The following PSMD14 variants were observed in gnomAD, a reference collection of about 807,000 sequenced individuals.
The protein encoded by PSMD14 is proteasome 26S subunit, non-ATPase 14, also known as ubiquitin C-terminal hydrolase PSMD14.
PSMD14 carries 7 observed loss-of-function variants against 41.2 expected under a neutral mutation model. The observed-to-expected ratio is 0.17, with a 90% confidence interval of 0.10 to 0.32. The LOEUF is 0.32. Among genes scored for constraint, PSMD14 ranks in the 10% least tolerant of loss-of-function variants. The pLI is 1.00. For synonymous variants in PSMD14, 114 were observed against 122.3 expected, an observed-to-expected ratio of 0.93 and a Z score of 0.45; for missense variants, 139 against 375.6, an observed-to-expected ratio of 0.37 and a Z score of 5.21.
intron 10 of PSMD14, among the ~76,000 whole-genome samples, chr2:161,397,672 A>G (rs1445761561): frequency 6.6e-6 from 1 of 152,210 alleles, no homozygotes; most frequent in Non-Finnish European, 1.5e-5. Context: ...TATAAAATTT[A>G]CCAAGTGTAG....
At chr2:161,377,725 A>T (rs1218894853) in intron 7 of PSMD14, among the ~76,000 whole-genome samples, 1 of 151,918 alleles carries the variant, frequency 6.6e-6, no homozygotes, top group Non-Finnish European at 1.5e-5. Flanking sequence ...ATGTGCTTCA[A>T]ATTAGTTTGA....
chr2:161,328,626 T>C (rs929847647), intron 3 of PSMD14, among the ~76,000 whole-genome samples: 1 of 152,120 alleles, frequency 6.6e-6, no homozygotes, highest in African/African-American at 2.4e-5. Context: ...CTAAGTGTTA[T>C]ATTACTTAAA....
intron 3 of PSMD14, chr2:161,341,392 G>C (rs1297394264): frequency 5.1e-6 from 4 of 787,100 alleles, no homozygotes; most frequent in African/African-American, 1.9e-5. Context: ...CCCGTCCTTT[G>C]TTAATGAATT....
At chr2:161,390,455 T>C (rs570431806) in intron 8 of PSMD14, among the ~76,000 whole-genome samples, 1 of 152,106 alleles carries the variant, frequency 6.6e-6, no homozygotes, top group Non-Finnish European at 1.5e-5. Flanking sequence ...ACATCCAGGA[T>C]TATTGTTTCT....
chr2:161,407,912 C>T (rs1306072875), intron 10 of PSMD14: 1 of 151,982 alleles, frequency 6.6e-6, no homozygotes, highest in Admixed American at 6.6e-5. Flanking sequence ...GTCTTGTCTT[C>T]AGGCCATAAC....
At chr2:161,391,672 G>T (rs903219260) in intron 9 of PSMD14, among the ~76,000 whole-genome samples, 1 of 152,122 alleles carries the variant, frequency 6.6e-6, no homozygotes, top group African/African-American at 2.4e-5. Context: ...GCACACTGCA[G>T]CCTTGAACTT....
intron 3 of PSMD14, among the ~76,000 whole-genome samples, chr2:161,338,469 C>G (rs2105240216): frequency 6.6e-6 from 1 of 151,756 alleles, no homozygotes. Flanking sequence ...ATTATCTACT[C>G]TGTAAGCCTT....
chr2:161,374,193 G>T (rs1029874275), intron 7 of PSMD14, among the ~76,000 whole-genome samples: 1 of 151,904 alleles, frequency 6.6e-6, no homozygotes, highest in Non-Finnish European at 1.5e-5. Flanking sequence ...TCATTGTGAG[G>T]CCATTCCTTA....
At chr2:161,332,837 C>A (rs1682814519) in intron 3 of PSMD14, among the ~76,000 whole-genome samples, 1 of 152,212 alleles carries the variant, frequency 6.6e-6, no homozygotes, top group Non-Finnish European at 1.5e-5. Context: ...CTTTCATAGC[C>A]TTTCCAGTAA....
chr2:161,350,066 C>T (rs1243029126), intron 3 of PSMD14, among the ~76,000 whole-genome samples: 1 of 152,050 alleles, frequency 6.6e-6, no homozygotes, highest in South Asian at 2.1e-4. Flanking sequence ...AAGACAAATA[C>T]GTGGTAACAT....
At chr2:161,397,423 T>C (rs762546056) in intron 10 of PSMD14, among the ~76,000 whole-genome samples, 1 of 152,086 alleles carries the variant, frequency 6.6e-6, no homozygotes, top group Non-Finnish European at 1.5e-5. Context: ...GGGTGACCAG[T>C]AGTATGGTAG....
intron 7 of PSMD14, among the ~76,000 whole-genome samples, chr2:161,372,372 C>A (rs990556763): frequency 5.9e-5 from 9 of 151,978 alleles, no homozygotes; most frequent in Non-Finnish European, 8.8e-5. Context: ...TATCTGCTCA[C>A]CAGCAGAAAA....
intron 7 of PSMD14, among the ~76,000 whole-genome samples, chr2:161,375,050 C>T (rs1023102294): frequency 1.3e-5 from 2 of 151,916 alleles, no homozygotes; most frequent in African/African-American, 4.8e-5. Context: ...TTTCTTGAAG[C>T]ATTTTTATTT....
intron 3 of PSMD14, among the ~76,000 whole-genome samples, chr2:161,359,845 G>A (rs1279331161): frequency 3.3e-5 from 5 of 152,236 alleles, no homozygotes; most frequent in African/African-American, 9.6e-5. Flanking sequence ...TATTACTAGC[G>A]TCAGAAGTTG....
At position 161,388,995 on chromosome 2, in the gene PSMD14, A is replaced by G. The variant is rs552418099; in HGVS notation, c.571-2109A>G. Among the ~76,000 whole-genome samples the G allele has an allele frequency of 2.6e-5, 4 of 152,280 alleles. No individual in the cohort carries two copies. The South Asian group carries it at 8.3e-4, about 32-fold the overall frequency. ...TGAAATTGAAAGACTACTTGAGGAT[A>G]TCATTTGATTTAAACTTACCTTTGT... On this transcript the variant is annotated intron_variant, in intron 8 of 11. Transcript: ENST00000409682.
intron 3 of PSMD14, among the ~76,000 whole-genome samples, chr2:161,339,177 C>G (rs1326377825): frequency 7.2e-5 from 11 of 152,110 alleles, no homozygotes; most frequent in Admixed American, 5.9e-4. Flanking sequence ...TTGGCTGGAC[C>G]ATATGGTAGG....
Position 161,318,815 on chromosome 2 carries a change from T to G in PSMD14, c.-4-7T>G. On this transcript the variant is annotated splice_polypyrimidine_tract_variant and splice_region_variant and intron_variant, in intron 2 of 11. Coordinates refer to ENST00000409682, the MANE Select transcript of PSMD14 (RefSeq NM_005805.6). Reference sequence around the variant, plus strand: ...AGGAACGTTTTTTCTTTGTTTCTGTTTTCTAGAAATATGGACAGACTTCTT... The same window carrying G: ...AGGAACGTTTTTTCTTTGTTTCTGTGTTCTAGAAATATGGACAGACTTCTT... 6.2e-7 allele frequency: 1 copy of G among 1,612,242 alleles called. No homozygotes were observed. Among genetic ancestry groups the G allele is most frequent in the Non-Finnish European group, 8.5e-7 (1 of 1,178,812 alleles).
At chr2:161,349,187 A>G (rs1424183040) in intron 3 of PSMD14, among the ~76,000 whole-genome samples, 1 of 152,196 alleles carries the variant, frequency 6.6e-6, no homozygotes, top group Non-Finnish European at 1.5e-5. Flanking sequence ...CATAGTATCT[A>G]CAGTCTGTTG....
chr2:161,393,487 A>G (rs535535465), intron 9 of PSMD14, among the ~76,000 whole-genome samples: 4 of 152,176 alleles, frequency 2.6e-5, no homozygotes, highest in Non-Finnish European at 5.9e-5. Flanking sequence ...TGTATCTTCA[A>G]AAGCCTTATA....
Sources: allele counts gnomAD v4.1 joint callset (sites outside exome capture counted in the v4.1 genomes callset), GRCh38; gene constraint gnomAD v4.1.1; transcripts MANE v1.5; gene names NCBI Gene and HGNC (gene_info 2026-07-23, HGNC 2026-07-21).